The following ASB4 variants were observed in gnomAD, a reference collection of about 807,000 sequenced individuals.
ASB4 encodes ankyrin repeat and SOCS box protein 4.
ASB4 carries 35 observed loss-of-function variants against 38.6 expected under a neutral mutation model. The observed-to-expected ratio is 0.91, with a 90% CI of 0.69 to 1.20. The LOEUF is 1.20. ASB4 is among the 50% of genes most tolerant of loss of function. ASB4 has a pLI of 0.00. For missense variants in ASB4, 557 were observed against 527.2 expected (o/e 1.06, Z -0.55); for synonymous variants, 195 against 201.3 (o/e 0.97, Z 0.26).
chr7:95,513,863 T>C (rs1163864923), intron 2 of ASB4, among the ~76,000 whole-genome samples: 1 of 152,198 alleles, frequency 6.6e-6, no homozygotes, highest in Non-Finnish European at 1.5e-5. Flanking sequence ...GTAAGTGATT[T>C]CCTTTTGAGG....
At chr7:95,503,779 G>A (rs1162976123) in intron 2 of ASB4, among the ~76,000 whole-genome samples, 2 of 152,176 alleles carry the variant, frequency 1.3e-5, no homozygotes, top group Admixed American at 1.3e-4. Context: ...ACTGAAAACC[G>A]ATGTAATTTC....
upstream of ASB4, among the ~76,000 whole-genome samples, chr7:95,485,220 G>T (rs1468810697): frequency 6.6e-6 from 1 of 151,868 alleles, no homozygotes; most frequent in Admixed American, 6.6e-5. Flanking sequence ...CTTCTATATT[G>T]TCAAGTAATA....
At position 95,486,078 on chromosome 7, in the gene ASB4, T is replaced by A. The variant is rs751728394; in HGVS notation, c.107T>A (p.Ile36Asn). The A allele has an allele frequency of 6.2e-7, 1 of 1,614,144 alleles. No homozygotes were observed. The highest frequency in any genetic ancestry group is 8.5e-7 in the Non-Finnish European group (1 of 1,179,978). ...AATGACTTCGGAAAATTGAAGGCTATTTTGATCCAAAGGCAAATAGATGTG... is the reference window on the plus strand; with the variant it reads ...AATGACTTCGGAAAATTGAAGGCTAATTTGATCCAAAGGCAAATAGATGTG... ...KSNDFGKLKA[I>N]LIQRQIDVDT... The change falls in exon 1 of 5, where the codon ATT (isoleucine) becomes AAT (asparagine). Residue 36 changes from isoleucine (I) to asparagine (N), a missense_variant. By Grantham distance (149) the Ile-to-Asn change is moderately radical. Coordinates refer to ENST00000325885, the MANE Select transcript of ASB4 (RefSeq NM_016116.3).
intron 2 of ASB4, among the ~76,000 whole-genome samples, chr7:95,501,325 C>T (rs1790334278): frequency 6.6e-6 from 1 of 152,096 alleles, no homozygotes; most frequent in South Asian, 2.1e-4. Flanking sequence ...AAGACTGTTC[C>T]CTGCTACTTT....
At chr7:95,497,359 C>T (rs1790265941) in intron 2 of ASB4, among the ~76,000 whole-genome samples, 2 of 152,016 alleles carry the variant, frequency 1.3e-5, no homozygotes, top group African/African-American at 2.4e-5. Context: ...GTTTGCAATA[C>T]ATTTTGGAAG....
At chr7:95,497,133 G>C (rs780598821) in intron 2 of ASB4, among the ~76,000 whole-genome samples, 32 of 151,988 alleles carry the variant, frequency 2.1e-4, no homozygotes, top group Non-Finnish European at 2.5e-4. Flanking sequence ...CAAAGTGTAG[G>C]GCTCTGAAAT....
intron 1 of ASB4, among the ~76,000 whole-genome samples, chr7:95,494,162 A>G (rs1167660815): frequency 1.3e-5 from 2 of 152,220 alleles, no homozygotes; most frequent in East Asian, 3.9e-4. Context: ...TTTTTCACTT[A>G]AATGAGAGAA....
At chr7:95,515,439 CAG>C (rs1352358836) in intron 2 of ASB4, among the ~76,000 whole-genome samples, 2 of 127,088 alleles carry the variant, frequency 1.6e-5, no homozygotes, top group African/African-American at 6.1e-5. Context: ...TTTTTTAAGA[CAG>C]AGTCTCATTC....
intron 2 of ASB4, among the ~76,000 whole-genome samples, chr7:95,509,147 TA>T (rs1207973920): frequency 2.0e-5 from 3 of 152,136 alleles, no homozygotes; most frequent in Non-Finnish European, 2.9e-5. Context: ...AGTTAGGTGC[TA>T]AAATCTTAAG....
At chr7:95,515,163 CTTTCTCTTTCTTTCTTTCTTTCTT>C (rs1212400052) in intron 2 of ASB4, among the ~76,000 whole-genome samples, 2 of 129,736 alleles carry the variant, frequency 1.5e-5, no homozygotes, top group African/African-American at 3.0e-5. Context: ...CTTTCTTTCT[CTTTCTCTTTCTTTCTTTCTTTCTT>C]TCTTTCTTTC....
At chr7:95,482,483 A>G (rs535339614), upstream of ASB4, among the ~76,000 whole-genome samples, 294 of 152,364 alleles carry the variant, frequency 1.9e-3, no homozygotes, top group Non-Finnish European at 3.6e-3. Context: ...CAATCTGTCC[A>G]TTGATCAGCT....
upstream of ASB4, among the ~76,000 whole-genome samples, chr7:95,477,778 A>C (rs934058012): frequency 6.6e-6 from 1 of 151,978 alleles, no homozygotes. Context: ...CTACAAGCAA[A>C]ATTAAGTTCT....
chr7:95,495,553 T>C (rs887318670), intron 1 of ASB4, among the ~76,000 whole-genome samples: 20 of 152,176 alleles, frequency 1.3e-4, no homozygotes, highest in African/African-American at 4.8e-4. Flanking sequence ...AGAAAGCCTG[T>C]TCCCCTGATG....
At chr7:95,493,728 G>A (rs1000589866) in intron 1 of ASB4, among the ~76,000 whole-genome samples, 1 of 152,028 alleles carries the variant, frequency 6.6e-6, no homozygotes, top group African/African-American at 2.4e-5. Context: ...ACTATAACCA[G>A]TTTCGTGTTC....
At chr7:95,494,071 C>T (rs537437933) in intron 1 of ASB4, among the ~76,000 whole-genome samples, 2 of 152,240 alleles carry the variant, frequency 1.3e-5, no homozygotes, top group East Asian at 3.9e-4. Flanking sequence ...TGGAGTTGTG[C>T]AATACAGTGG....
the ASB4 span, among the ~76,000 whole-genome samples, chr7:95,471,085 C>T: frequency 0.013 from 1,993 of 152,232 alleles, 58 homozygotes; most frequent in Admixed American, 0.055. Flanking sequence ...CAAAATGTTT[C>T]TCATTTTTCT....
At position 95,539,962 on chromosome 7, in the gene ASB4, A is replaced by G. The variant is rs1790947978; in HGVS notation, c.*2203A>G. ...ATTGGAGGATTGCTTGCTGCCCTGC[A>G]TCTTAAGGCGTATTCTAGCAGCAAA... On this transcript the variant is annotated 3_prime_UTR_variant, in exon 5 of 5. Transcript: ENST00000325885. 2 of 152,220 alleles carry G rather than the reference A, an allele frequency of 1.3e-5. No homozygotes were observed. The highest frequency in any genetic ancestry group is 4.1e-4 in the South Asian group (2 of 4,832). 9.4% of individuals were successfully genotyped at this position (152,220 alleles called of 1,614,324 possible).
chr7:95,495,274 G>A (rs1440025476), intron 1 of ASB4, among the ~76,000 whole-genome samples: 1 of 152,024 alleles, frequency 6.6e-6, no homozygotes, highest in Non-Finnish European at 1.5e-5. Context: ...ATGTTGGATT[G>A]ACAACAACTA....
At chr7:95,512,439 G>T (rs1790496214) in intron 2 of ASB4, among the ~76,000 whole-genome samples, 1 of 152,174 alleles carries the variant, frequency 6.6e-6, no homozygotes, top group South Asian at 2.1e-4. Flanking sequence ...GTCTAGAAAT[G>T]CGTTTCCCAA....
Sources: allele counts gnomAD v4.1 joint callset (sites outside exome capture counted in the v4.1 genomes callset), GRCh38; gene constraint gnomAD v4.1.1; transcripts MANE v1.5; gene names NCBI Gene and HGNC (gene_info 2026-07-23, HGNC 2026-07-21).